The following MTCL2 variants were observed in gnomAD, a reference collection of about 807,000 sequenced individuals.
The protein encoded by MTCL2 is microtubule crosslinking factor 2.
At chr20:36,795,095 C>G in the MTCL2 span, among the ~76,000 whole-genome samples, 1 of 152,106 alleles carries the variant, frequency 6.6e-6, no homozygotes, top group Non-Finnish European at 1.5e-5. Flanking sequence ...TGCGCCACCA[C>G]GCCCAGCTAA....
the MTCL2 span, among the ~76,000 whole-genome samples, chr20:36,858,350 ACTGGCTGCACTTCACT>A: frequency 2.9e-4 from 33 of 114,576 alleles, no homozygotes; most frequent in Non-Finnish European, 4.7e-4. Flanking sequence ...ACACACACAC[ACTGGCTGCACTTCACT>A]CACATCTAGA....
the MTCL2 span, among the ~76,000 whole-genome samples, chr20:36,856,675 G>A: frequency 2.6e-5 from 4 of 152,246 alleles, no homozygotes; most frequent in Non-Finnish European, 5.9e-5. Flanking sequence ...CCCAGCTCCA[G>A]AAGGTTACAA....
chr20:36,793,257 G>T, the MTCL2 span: 32 of 1,550,846 alleles, frequency 2.1e-5, no homozygotes, highest in Non-Finnish European at 1.9e-5. This position sits in a 1 kb window ranked among gnomAD's most constrained non-coding sequence, Gnocchi z 6.8. Context: ...ACCTCATTGG[G>T]AAGGACCACG....
At chr20:36,837,638 C>T in the MTCL2 span, among the ~76,000 whole-genome samples, 30 of 149,922 alleles carry the variant, frequency 2.0e-4, no homozygotes, top group African/African-American at 5.9e-4. Context: ...AGTGCAGTGG[C>T]GCGATCTCAG....
chr20:36,827,108 G>C, the MTCL2 span, among the ~76,000 whole-genome samples: 2 of 151,598 alleles, frequency 1.3e-5, no homozygotes, highest in African/African-American at 4.8e-5. Context: ...GAATGCAGTG[G>C]CGCAATCTCG....
the MTCL2 span, among the ~76,000 whole-genome samples, chr20:36,807,873 T>TC: frequency 5.3e-5 from 7 of 133,088 alleles, no homozygotes; most frequent in Non-Finnish European, 1.1e-4. Flanking sequence ...GTCTTTTTTT[T>TC]TTTTTTTTTT....
At chr20:36,837,125 C>A in the MTCL2 span, among the ~76,000 whole-genome samples, 4 of 152,252 alleles carry the variant, frequency 2.6e-5, no homozygotes, top group Non-Finnish European at 5.9e-5. Flanking sequence ...TTTCCCCCTT[C>A]CTGGCTCAGG....
chr20:36,805,799 GCAGA>G, the MTCL2 span: 3 of 1,430,316 alleles, frequency 2.1e-6, no homozygotes, highest in Non-Finnish European at 2.8e-6. Flanking sequence ...TGATTACTGA[GCAGA>G]CAAAGGAATG....
chr20:36,797,514 G>A, the MTCL2 span: 4 of 1,554,674 alleles, frequency 2.6e-6, no homozygotes, highest in East Asian at 2.4e-5. Flanking sequence ...CCTTCCAGCT[G>A]TTGTCCTGCT....
chr20:36,813,787 A>G, the MTCL2 span, among the ~76,000 whole-genome samples: 19 of 151,740 alleles, frequency 1.3e-4, no homozygotes, highest in African/African-American at 4.6e-4. Flanking sequence ...GATAAAAGAA[A>G]AAAAGAAAGT....
the MTCL2 span, among the ~76,000 whole-genome samples, chr20:36,809,104 C>A: frequency 6.6e-6 from 1 of 152,146 alleles, no homozygotes; most frequent in African/African-American, 2.4e-5. Flanking sequence ...AAAGGGCGTG[C>A]CAGGGTTGAG....
chr20:36,822,611 C>T, the MTCL2 span, among the ~76,000 whole-genome samples: 2 of 152,184 alleles, frequency 1.3e-5, no homozygotes, highest in Non-Finnish European at 1.5e-5. Flanking sequence ...CCCACTTTGG[C>T]CAAGAAACAA....
At chr20:36,795,585 A>T in the MTCL2 span, among the ~76,000 whole-genome samples, 8 of 152,064 alleles carry the variant, frequency 5.3e-5, no homozygotes, top group Admixed American at 4.6e-4. Flanking sequence ...GACTAGCCTG[A>T]CCAAGATGGT....
chr20:36,791,965 C>T, the MTCL2 span, among the ~76,000 whole-genome samples: 1 of 152,212 alleles, frequency 6.6e-6, no homozygotes, highest in Admixed American at 6.5e-5. Context: ...TGCTCACTAA[C>T]ATTCAAATAA....
At chr20:36,793,625 C>T in the MTCL2 span, 1 of 1,551,462 alleles carries the variant, frequency 6.4e-7, no homozygotes, top group Non-Finnish European at 8.7e-7. The surrounding 1 kb of genome is among the most constrained non-coding windows in gnomAD (Gnocchi z 6.8). Context: ...GTTGATGTTT[C>T]TCAATACAGG....
the MTCL2 span, chr20:36,815,635 G>A: frequency 1.2e-6 from 2 of 1,605,160 alleles, no homozygotes; most frequent in Non-Finnish European, 1.7e-6. This position sits in a 1 kb window ranked among gnomAD's most constrained non-coding sequence, Gnocchi z 5.3. Context: ...AGGTCACAGC[G>A]CTGGAGGTTG....
At chr20:36,795,092 C>A in the MTCL2 span, among the ~76,000 whole-genome samples, 1 of 152,122 alleles carries the variant, frequency 6.6e-6, no homozygotes, top group South Asian at 2.1e-4. Flanking sequence ...GCGTGCGCCA[C>A]CACGCCCAGC....
the MTCL2 span, among the ~76,000 whole-genome samples, chr20:36,835,481 G>A: frequency 6.6e-6 from 1 of 152,216 alleles, no homozygotes; most frequent in Non-Finnish European, 1.5e-5. Context: ...GCAAGTCAGG[G>A]CATGGACCAC....
the MTCL2 span, chr20:36,808,452 C>T: frequency 7.0e-7 from 1 of 1,424,584 alleles, no homozygotes; most frequent in Non-Finnish European, 9.7e-7. Flanking sequence ...GCTGGGCGTC[C>T]CTTCCCTGTC....
Sources: gnomAD v4.1 joint callset for allele counts (sites outside exome capture counted in the v4.1 genomes callset) on GRCh38, gnomAD v4.1.1 for gene constraint, Gnocchi (gnomAD v3.1) non-coding constraint, MANE v1.5 for transcripts, NCBI Gene and HGNC (gene_info 2026-07-23, HGNC 2026-07-21) for gene names.